PCDH11X: variants seen among roughly 807,000 people sequenced by gnomAD.
PCDH11X encodes the protein protocadherin 11 X-linked.
Under a neutral mutation model 53.3 loss-of-function variants are expected in PCDH11X, and 18 were observed. The observed-to-expected ratio is 0.34, with a 90% CI of 0.23 to 0.50. The LOEUF is 0.50. PCDH11X is among the 20% of genes least tolerant of loss of function. The pLI is 0.98. For missense variants in PCDH11X, 570 were observed against 1,032.4 expected (o/e 0.55, Z 6.14); for synonymous variants, 279 against 393.3 (o/e 0.71, Z 3.44).
chrX:91,793,992 A>G (rs1215275325), intron 1 of PCDH11X, among the ~76,000 whole-genome samples: 3 of 111,326 alleles, frequency 2.7e-5, no homozygotes, highest in Non-Finnish European at 5.6e-5. Context: ...CTGTTAGAGA[A>G]GCAAACCCTG....
intron 7 of PCDH11X, among the ~76,000 whole-genome samples, chrX:92,249,311 G>T (rs2067413645): frequency 9.0e-6 from 1 of 111,393 alleles, no homozygotes; most frequent in African/African-American, 3.3e-5. Context: ...AGCTTTAATA[G>T]ACACAATATA....
chrX:92,515,383 G>A (rs1241140937), intron 10 of PCDH11X: 5 of 220,362 alleles, frequency 2.3e-5, no homozygotes, highest in Non-Finnish European at 3.1e-5. Flanking sequence ...AGCCGCCCCC[G>A]ACAGTCTGCC....
chrX:92,125,637 GTTTGTT>G (rs1033461275), intron 6 of PCDH11X, among the ~76,000 whole-genome samples: 1 of 110,903 alleles, frequency 9.0e-6, no homozygotes, highest in African/African-American at 3.3e-5. Context: ...TTTTTTGTTT[GTTTGTT>G]TTTGTTTTTT....
intron 10 of PCDH11X, among the ~76,000 whole-genome samples, chrX:92,479,784 T>A (rs2073464306): frequency 9.2e-6 from 1 of 108,569 alleles, no homozygotes; most frequent in Non-Finnish European, 1.9e-5. Flanking sequence ...GCCTTTAATT[T>A]TTTTTTTTTA....
At chrX:92,600,302 A>G (rs1320477154) in intron 10 of PCDH11X, among the ~76,000 whole-genome samples, 1 of 110,684 alleles carries the variant, frequency 9.0e-6, no homozygotes, top group Non-Finnish European at 1.9e-5. Flanking sequence ...CAGCACCTAC[A>G]GTCACAAGCT....
At chrX:92,304,381 T>C (rs2068783613) in intron 8 of PCDH11X, among the ~76,000 whole-genome samples, 2 of 111,417 alleles carry the variant, frequency 1.8e-5, no homozygotes, top group South Asian at 3.8e-4. Context: ...ACTTATAAAA[T>C]TGACAAAAAG....
At chrX:92,502,061 C>T (rs926010014) in intron 10 of PCDH11X, among the ~76,000 whole-genome samples, 5 of 110,394 alleles carry the variant, frequency 4.5e-5, no homozygotes, top group African/African-American at 1.6e-4. Context: ...CGCTAGCATC[C>T]TTATACACCA....
chrX:92,597,043 C>T lies in PCDH11X; in HGVS notation c.3368-21221C>T, dbSNP rs946063703. Among the ~76,000 whole-genome samples the T allele has an allele frequency of 2.7e-5, 3 of 110,932 alleles. No individual in the cohort carries two copies. In the East Asian group the frequency reaches 8.5e-4, roughly 32 times the overall value. On this transcript the variant is annotated intron_variant, in intron 10 of 10. Coordinates refer to ENST00000682573, the MANE Select transcript of PCDH11X (RefSeq NM_032968.5). ...GAACACACTACAACATAATAAAAGC[C>T]ATATATGACAGACCCACAGCTAGTA...
At chrX:92,492,705 C>T (rs1330978637) in intron 10 of PCDH11X, among the ~76,000 whole-genome samples, 1 of 108,270 alleles carries the variant, frequency 9.2e-6, no homozygotes, top group Non-Finnish European at 1.9e-5. Flanking sequence ...TGTACTTTGT[C>T]GAGATCATTA....
intron 6 of PCDH11X, among the ~76,000 whole-genome samples, chrX:92,133,332 G>A (rs2065027328): frequency 9.0e-6 from 1 of 111,426 alleles, no homozygotes; most frequent in Non-Finnish European, 1.9e-5. Context: ...CAGATACCTG[G>A]AATCATAAGC....
At chrX:92,446,994 TG>T (rs200012096) in intron 9 of PCDH11X, among the ~76,000 whole-genome samples, 1,712 of 111,590 alleles carry the variant, frequency 0.015, 72 homozygotes, top group Admixed American at 0.13. Context: ...GGTAGCATTT[TG>T]CCCCTTCTCT....
intron 10 of PCDH11X, among the ~76,000 whole-genome samples, chrX:92,541,488 T>C (rs1364886960): frequency 9.0e-6 from 1 of 111,340 alleles, no homozygotes; most frequent in Non-Finnish European, 1.9e-5. Flanking sequence ...CTTTCAGTGA[T>C]ATGAATTTAA....
chrX:92,157,830 A>T (rs1407161102), intron 6 of PCDH11X, among the ~76,000 whole-genome samples: 1 of 112,182 alleles, frequency 8.9e-6, no homozygotes, highest in African/African-American at 3.2e-5. Context: ...AATAATATCA[A>T]TTATAGTATT....
chrX:92,107,868 C>T (rs2064419343), intron 6 of PCDH11X, among the ~76,000 whole-genome samples: 2 of 112,058 alleles, frequency 1.8e-5, no homozygotes, highest in South Asian at 7.4e-4. Context: ...TCTTAAAATA[C>T]TTTACAGAAT....
intron 8 of PCDH11X, among the ~76,000 whole-genome samples, chrX:92,315,876 G>A (rs569404967): frequency 4.7e-5 from 5 of 107,020 alleles, no homozygotes; most frequent in African/African-American, 1.0e-4. Context: ...CACTTATTGC[G>A]GCTGTATGTT....
At chrX:91,798,648 A>G (rs1046740630) in intron 1 of PCDH11X, among the ~76,000 whole-genome samples, 7 of 111,368 alleles carry the variant, frequency 6.3e-5, no homozygotes, top group African/African-American at 9.8e-5. Flanking sequence ...AGATACTTTT[A>G]CAAATATATG....
chrX:92,029,820 A>G (rs1464443483), intron 6 of PCDH11X, among the ~76,000 whole-genome samples: 1 of 112,258 alleles, frequency 8.9e-6, no homozygotes, highest in Non-Finnish European at 1.9e-5. Flanking sequence ...TTCATAATTT[A>G]AAACCTTATT....
intron 6 of PCDH11X, among the ~76,000 whole-genome samples, chrX:92,151,581 A>C: frequency 8.9e-6 from 1 of 111,831 alleles, no homozygotes; most frequent in East Asian, 2.8e-4. Flanking sequence ...GTTAATTGGC[A>C]TATTATATTT....
intron 8 of PCDH11X, chrX:92,287,904 G>T (rs950710009): frequency 4.0e-6 from 2 of 506,124 alleles, no homozygotes; most frequent in African/African-American, 4.7e-5. Context: ...ACGAGATCTG[G>T]TTGTCTGAAA....
Sources: gnomAD v4.1 joint callset for allele counts (sites outside exome capture counted in the v4.1 genomes callset) on GRCh38, gnomAD v4.1.1 for gene constraint, MANE v1.5 for transcripts, NCBI Gene and HGNC (gene_info 2026-07-23, HGNC 2026-07-21) for gene names.